The following PCDHGA1 variants were observed in gnomAD, a reference collection of about 807,000 sequenced individuals.
The protein encoded by PCDHGA1 is protocadherin gamma-A1.
Under a neutral mutation model 58.0 loss-of-function variants are expected in PCDHGA1, and 32 were observed. The observed-to-expected ratio is 0.55, with a 90% CI of 0.42 to 0.74. PCDHGA1 has a LOEUF of 0.74. Ranked by LOEUF, PCDHGA1 falls within the 30% of genes least tolerant of loss-of-function variation. PCDHGA1 has a pLI of 0.00. For missense variants in PCDHGA1, 1,205 were observed against 1,182.3 expected (o/e 1.02, Z -0.28); for synonymous variants, 498 against 501.1 (o/e 0.99, Z 0.08).
intron 1 of PCDHGA1, chr5:141,423,492 C>T (rs2154550191): frequency 1.2e-6 from 2 of 1,613,972 alleles, no homozygotes; most frequent in East Asian, 4.5e-5. Context: ...AAACCTATTC[C>T]CACGAGGTCT....
At chr5:141,409,776 T>C in intron 1 of PCDHGA1, 1 of 1,612,708 alleles carries the variant, frequency 6.2e-7, no homozygotes, top group Non-Finnish European at 8.5e-7. Context: ...CACGAGCAGC[T>C]GCGCGCCTTC....
At chr5:141,470,552 T>G (rs1303190360) in intron 1 of PCDHGA1, among the ~76,000 whole-genome samples, 1 of 151,966 alleles carries the variant, frequency 6.6e-6, no homozygotes, top group East Asian at 1.9e-4. Flanking sequence ...TTATTGAGAG[T>G]TTCCTCTGTG....
chr5:141,341,439 A>G, intron 1 of PCDHGA1: 2 of 1,610,826 alleles, frequency 1.2e-6, no homozygotes, highest in Non-Finnish European at 1.7e-6. Flanking sequence ...AGTTTGCTGA[A>G]GTAATTCACT....
chr5:141,426,978 G>A (rs1383521288), intron 1 of PCDHGA1: 1 of 456,770 alleles, frequency 2.2e-6, no homozygotes, highest in Non-Finnish European at 4.4e-6. Flanking sequence ...TGAGGTCACT[G>A]ATGCCAACGA....
chr5:141,369,714 T>G (rs565396016), intron 1 of PCDHGA1, among the ~76,000 whole-genome samples: 2 of 152,150 alleles, frequency 1.3e-5, no homozygotes, highest in Non-Finnish European at 2.9e-5. Flanking sequence ...CATTATAACT[T>G]TTAGAAGTTA....
In PCDHGA1 at chr5:141,486,705, A is replaced by T. The variant is rs2099633722; in HGVS notation, c.2422-8102A>T. On this transcript the variant is annotated intron_variant, in intron 1 of 3. Transcript: ENST00000517417. This position sits in a 1 kb window ranked among gnomAD's most constrained non-coding sequence, Gnocchi z 5.0. ...TCAGCTTCCTCTTTCATCTCTCTGA[A>T]CCCCCAGACAGGAGCTGTTCATGCT... The T allele has an allele frequency of 6.2e-7, 1 of 1,613,844 alleles. No individual in the cohort carries two copies. The highest frequency in any genetic ancestry group is 1.3e-5 in the African/African-American group (1 of 74,910).
chr5:141,414,950 T>C (rs1017858929), intron 1 of PCDHGA1: 2 of 1,613,912 alleles, frequency 1.2e-6, no homozygotes, highest in African/African-American at 2.7e-5. Context: ...GGCTACCTGG[T>C]GACCAAGGTG....
intron 1 of PCDHGA1, among the ~76,000 whole-genome samples, chr5:141,480,451 T>G (rs2099519323): frequency 6.6e-6 from 1 of 152,136 alleles, no homozygotes; most frequent in African/African-American, 2.4e-5. Flanking sequence ...ATAATTATTT[T>G]TATTAGTTCC....
At chr5:141,338,818 G>A (rs1756781380) in intron 1 of PCDHGA1, 1 of 1,387,626 alleles carries the variant, frequency 7.2e-7, no homozygotes, top group African/African-American at 1.4e-5. Context: ...TAAAGCTTCA[G>A]GACACCAAAG....
rs778008159 is a variant in PCDHGA1, at chr5:141,356,201, T to C, written c.2421+23096T>C. The C allele has an allele frequency of 6.4e-5, 103 of 1,607,808 alleles. No individual in the cohort carries two copies. Among genetic ancestry groups the C allele is most frequent in the Middle Eastern group, 1.7e-4 (1 of 6,056 alleles). On this transcript the variant is annotated intron_variant, in intron 1 of 3. Transcript: ENST00000517417. Reference sequence around the variant, plus strand: ...GGTCTCCGAGCTAGAAGCAAGGTACTGGTGACAGTTCTGGATGAAAATGAC... The same window carrying C: ...GGTCTCCGAGCTAGAAGCAAGGTACCGGTGACAGTTCTGGATGAAAATGAC...
intron 1 of PCDHGA1, chr5:141,404,458 C>A: frequency 6.2e-7 from 1 of 1,612,914 alleles, no homozygotes; most frequent in East Asian, 2.2e-5. Context: ...CTCCTCTCTC[C>A]ACCTATGTCT....
chr5:141,331,117 A>G lies in PCDHGA1; in HGVS notation c.433A>G (p.Ile145Val), dbSNP rs201568844. 6.6e-5 allele frequency: 106 copies of G among 1,614,034 alleles called. 1 individual carries two copies. The highest frequency in any genetic ancestry group is 4.7e-5 in the Non-Finnish European group (55 of 1,180,020). ...GGAACTGGAGTTTAAAATGAATGAA[A>G]TAACGACTCCAGGTACCAGAGTCTC... ...LEELEFKMNE[I>V]TTPGTRVSLP... The change falls in exon 1 of 4, where the codon ATA becomes GTA. Residue 145 changes from isoleucine to valine, a missense_variant. Ile to Val is a conservative substitution (Grantham distance 29). Coordinates refer to ENST00000517417, the MANE Select transcript of PCDHGA1 (RefSeq NM_018912.3).
At chr5:141,488,834 G>A (rs976460724) in intron 1 of PCDHGA1, among the ~76,000 whole-genome samples, 1 of 152,160 alleles carries the variant, frequency 6.6e-6, no homozygotes, top group Admixed American at 6.5e-5. Context: ...GCTGCCAAGG[G>A]GGCTGAATCA....
chr5:141,408,384 T>C, intron 1 of PCDHGA1: 2 of 1,614,014 alleles, frequency 1.2e-6, no homozygotes, highest in Non-Finnish European at 1.7e-6. Flanking sequence ...GTCCTGGATG[T>C]GTCGGCTCGC....
chr5:141,421,353 G>C, intron 1 of PCDHGA1: 1 of 1,613,998 alleles, frequency 6.2e-7, no homozygotes, highest in Non-Finnish European at 8.5e-7. Flanking sequence ...AGACCGAAAA[G>C]GGCTCCTTCG....
At chr5:141,336,599 T>A (rs1317906197) in intron 1 of PCDHGA1, among the ~76,000 whole-genome samples, 3 of 152,114 alleles carry the variant, frequency 2.0e-5, no homozygotes, top group African/African-American at 7.2e-5. Context: ...CATACAAAAA[T>A]TAATTCAAAA....
At chr5:141,383,441 C>T (rs529896434) in intron 1 of PCDHGA1, 15 of 1,613,978 alleles carry the variant, frequency 9.3e-6, no homozygotes, top group South Asian at 7.7e-5. Flanking sequence ...TTCTCCCTGG[C>T]TGTGCAAAGT....
chr5:141,370,011 A>G (rs1234949612), intron 1 of PCDHGA1, among the ~76,000 whole-genome samples: 2 of 152,266 alleles, frequency 1.3e-5, no homozygotes, highest in African/African-American at 4.8e-5. Flanking sequence ...TAAAAGAAAT[A>G]ACAGACTAAA....
Position 141,331,787 on chromosome 5 carries a change from T to G in PCDHGA1, c.1103T>G (p.Leu368Arg), listed in dbSNP as rs777844315. The change falls in exon 1 of 4, where the codon CTT (leucine) becomes CGT (arginine). Residue 368 changes from leucine (L) to arginine (R), a missense_variant. Coordinates refer to ENST00000517417, the MANE Select transcript of PCDHGA1 (RefSeq NM_018912.3). The stretch of plus-strand genomic sequence containing the variant: ...TTTCCTCCTGGGACCATAATTGCTC[T>G]TATCAGTGTGCATGACCAGGACTCA... ...ENFPPGTIIA[L>R]ISVHDQDSGD... 6.2e-7 allele frequency: 1 copy of G among 1,614,200 alleles called. No homozygotes were observed. The highest frequency in any genetic ancestry group is 1.7e-5 in the Admixed American group (1 of 60,030).
Sources: allele counts gnomAD v4.1 joint callset (sites outside exome capture counted in the v4.1 genomes callset), GRCh38; gene constraint gnomAD v4.1.1; non-coding constraint Gnocchi (gnomAD v3.1); transcripts MANE v1.5; gene names NCBI Gene and HGNC (gene_info 2026-07-23, HGNC 2026-07-21).